RBFOX1: variants seen among roughly 807,000 people sequenced by gnomAD.
The protein encoded by RBFOX1 is RNA binding protein fox-1 homolog 1.
In RBFOX1, 8 loss-of-function variants were observed where a neutral mutation model predicts 57.7. The observed-to-expected ratio is 0.14, with a 90% CI of 0.08 to 0.25. The LOEUF is 0.25. Ranked by LOEUF, RBFOX1 falls within the 10% of genes least tolerant of loss-of-function variation. RBFOX1 has a pLI of 1.00. For synonymous variants in RBFOX1, 326 were observed against 222.4 expected, an observed-to-expected ratio of 1.47 and a Z score of -4.15; for missense variants, 611 against 548.5, an observed-to-expected ratio of 1.11 and a Z score of -1.14.
chr16:6,082,864 G>A (rs955550217), intron 1 of RBFOX1, among the ~76,000 whole-genome samples: 1 of 151,398 alleles, frequency 6.6e-6, no homozygotes, highest in Non-Finnish European at 1.5e-5. Flanking sequence ...CAGATCCCAC[G>A]GGTGTCATAG....
chr16:5,875,860 T>C (rs985147622), intron 4 of RBFOX1, among the ~76,000 whole-genome samples: 3 of 151,926 alleles, frequency 2.0e-5, no homozygotes, highest in Non-Finnish European at 4.4e-5. Context: ...TTTTTTTTTT[T>C]TGAGAGGGAG....
At chr16:7,028,512 G>T (rs143501727) in intron 3 of RBFOX1, among the ~76,000 whole-genome samples, 8 of 145,844 alleles carry the variant, frequency 5.5e-5, no homozygotes, top group African/African-American at 1.8e-4. Context: ...GCTTGAACCC[G>T]GGAGGCGGAG....
chr16:5,945,625 C>T lies in RBFOX1; in HGVS notation c.351+78290C>T, dbSNP rs540689275. On this transcript the variant is annotated intron_variant, in intron 4 of 19. Transcript: ENST00000641259. Reference sequence around the variant, plus strand: ...TTAATAACTCCTAGGTTCACAGAGCCAGGGCCAGAGCCAGGATCAAAACAC... The same window carrying T: ...TTAATAACTCCTAGGTTCACAGAGCTAGGGCCAGAGCCAGGATCAAAACAC... Among the ~76,000 whole-genome samples the T allele has an allele frequency of 3.5e-5, 4 of 115,822 alleles. No individual in the cohort carries two copies. In the South Asian group the frequency reaches 1.0e-3, roughly 30 times the overall value. The allele number at this position is 115,822 out of a possible 152,430, so 76.0% of individuals were successfully genotyped here. A position where few individuals can be genotyped will look rare whatever the true frequency, so the allele number is the denominator to read the frequency against.
At chr16:7,537,611 C>T (rs1018134969) in intron 5 of RBFOX1, among the ~76,000 whole-genome samples, 2 of 152,162 alleles carry the variant, frequency 1.3e-5, no homozygotes, top group African/African-American at 4.8e-5. Context: ...GTAAAAAGAT[C>T]TACCTGGTTC....
rs146500693 is a variant in RBFOX1 at position 7,668,776 on chromosome 16, T to G, written c.930+3808T>G. Among the ~76,000 whole-genome samples the G allele has an allele frequency of 4.5e-4, 69 of 152,324 alleles. 1 individual carries two copies. The Middle Eastern group carries it at 0.014, about 30-fold the overall frequency. On this transcript the variant is annotated intron_variant, in intron 13 of 15. Transcript: ENST00000550418. ...CTATTATTGCTTAGTGGTGCACCTT[T>G]AAATACATTCATTTTAATTAAAAAG... is the stretch of plus-strand genomic sequence containing the variant.
intron 3 of RBFOX1, among the ~76,000 whole-genome samples, chr16:5,774,569 C>T (rs751202405): frequency 2.0e-5 from 3 of 152,186 alleles, no homozygotes; most frequent in Admixed American, 1.3e-4. Flanking sequence ...AATAGCTAAA[C>T]ATTTAGTTTA....
At chr16:5,663,620 G>T (rs1567365384) in intron 3 of RBFOX1, among the ~76,000 whole-genome samples, 1 of 152,182 alleles carries the variant, frequency 6.6e-6, no homozygotes, top group Admixed American at 6.5e-5. Flanking sequence ...GCTGGTTTAT[G>T]TACTGAATGA....
chr16:7,621,830 C>T (rs1374861886), intron 10 of RBFOX1, among the ~76,000 whole-genome samples: 1 of 152,108 alleles, frequency 6.6e-6, no homozygotes, highest in Non-Finnish European at 1.5e-5. Flanking sequence ...TGTAAAGGGC[C>T]AGACAGTAAA....
chr16:7,659,645 G>A (rs775862867), intron 12 of RBFOX1, among the ~76,000 whole-genome samples: 1 of 152,228 alleles, frequency 6.6e-6, no homozygotes, highest in Non-Finnish European at 1.5e-5. Flanking sequence ...ATGGATTTGT[G>A]TTGGGGCTGC....
intron 3 of RBFOX1, among the ~76,000 whole-genome samples, chr16:7,032,251 C>G (rs564471226): frequency 6.6e-6 from 1 of 151,852 alleles, no homozygotes; most frequent in Non-Finnish European, 1.5e-5. Flanking sequence ...ATGGTGAAAC[C>G]CCATCTCTAC....
intron 1 of RBFOX1, among the ~76,000 whole-genome samples, chr16:6,078,343 C>A (rs181212595): frequency 6.6e-6 from 1 of 152,132 alleles, no homozygotes; most frequent in Non-Finnish European, 1.5e-5. Context: ...TGGCCCGGGA[C>A]GGCTTTGAAT....
At chr16:5,914,829 A>G (rs1343385178) in intron 4 of RBFOX1, among the ~76,000 whole-genome samples, 2 of 152,080 alleles carry the variant, frequency 1.3e-5, no homozygotes, top group Non-Finnish European at 2.9e-5. Context: ...TGGGAGGCGG[A>G]GCTTGCAGTG....
At chr16:7,610,128 T>TC (rs1429047862) in intron 10 of RBFOX1, among the ~76,000 whole-genome samples, 1 of 131,238 alleles carries the variant, frequency 7.6e-6, no homozygotes, top group East Asian at 2.0e-4. Flanking sequence ...CTTTTTTTTT[T>TC]TTTTTTTTTT....
At chr16:6,007,310 C>T (rs1322175221) in intron 4 of RBFOX1, among the ~76,000 whole-genome samples, 2 of 152,154 alleles carry the variant, frequency 1.3e-5, no homozygotes, top group African/African-American at 4.8e-5. Flanking sequence ...TAAGGGGATC[C>T]AGCTACCACA....
At chr16:5,926,595 C>A (rs902804324) in intron 4 of RBFOX1, among the ~76,000 whole-genome samples, 1 of 152,066 alleles carries the variant, frequency 6.6e-6, no homozygotes, top group Non-Finnish European at 1.5e-5. Flanking sequence ...GTTGTGTGAC[C>A]TTGGAAAAAT....
At chr16:5,604,110 A>G (rs946738060), downstream of RBFOX1, among the ~76,000 whole-genome samples, 1 of 152,208 alleles carries the variant, frequency 6.6e-6, no homozygotes, top group Non-Finnish European at 1.5e-5. Flanking sequence ...AGTGCAGTTA[A>G]GTGGAAGAAC....
chr16:6,266,625 A>G (rs1390113470), intron 1 of RBFOX1, among the ~76,000 whole-genome samples: 1 of 151,878 alleles, frequency 6.6e-6, no homozygotes, highest in East Asian at 1.9e-4. Flanking sequence ...GAGGCAGGAG[A>G]GTCCCTTGAA....
chr16:7,435,329 G>A (rs545824309), intron 4 of RBFOX1, among the ~76,000 whole-genome samples: 1 of 152,116 alleles, frequency 6.6e-6, no homozygotes, highest in East Asian at 1.9e-4. Context: ...TATGGGTTAC[G>A]GAGAGGAAGA....
At chr16:6,386,243 G>A (rs971001594) in intron 2 of RBFOX1, among the ~76,000 whole-genome samples, 1 of 152,178 alleles carries the variant, frequency 6.6e-6, no homozygotes, top group Non-Finnish European at 1.5e-5. Flanking sequence ...GCTTCACACT[G>A]CTGTCCTGTT....
Sources: allele counts gnomAD v4.1 joint callset (sites outside exome capture counted in the v4.1 genomes callset), GRCh38; gene constraint gnomAD v4.1.1; transcripts MANE v1.5; gene names NCBI Gene and HGNC (gene_info 2026-07-23, HGNC 2026-07-21).